Variants in PRELID2 observed in about 807,000 individuals in gnomAD.
The protein encoded by PRELID2 is PRELI domain containing 2, also known as PRELI domain-containing protein 2.
Under a neutral mutation model 28.4 loss-of-function variants are expected in PRELID2, and 25 were observed. The ratio of observed to expected loss-of-function variants is 0.88; its 90% confidence interval spans 0.64 to 1.23. The LOEUF (loss-of-function observed/expected upper bound fraction) is 1.23, where lower values mean the gene tolerates loss of function less well. PRELID2 is among the 50% of genes most tolerant of loss of function. The pLI is 0.00. For synonymous variants in PRELID2, 76 were observed against 71.6 expected, an observed-to-expected ratio of 1.06 and a Z score of -0.31; for missense variants, 201 against 214.4, an observed-to-expected ratio of 0.94 and a Z score of 0.39.
intron 1 of PRELID2, among the ~76,000 whole-genome samples, chr5:145,580,455 C>A (rs1753099073): frequency 6.6e-6 from 1 of 151,998 alleles, no homozygotes; most frequent in Admixed American, 6.6e-5. Context: ...TTTTTCTATA[C>A]CATTCCCTAA....
At chr5:145,409,641 TG>T in the PRELID2 span, among the ~76,000 whole-genome samples, 4 of 149,100 alleles carry the variant, frequency 2.7e-5, no homozygotes, top group African/African-American at 9.9e-5. Context: ...GGGCCAGGTG[TG>T]GTGGCTCATG....
intron 1 of PRELID2, among the ~76,000 whole-genome samples, chr5:145,600,298 C>T (rs1041951450): frequency 8.4e-4 from 127 of 151,354 alleles, no homozygotes; most frequent in African/African-American, 2.9e-3. Context: ...AGCTAGATCC[C>T]GAGTAAAATC....
chr5:145,562,446 A>AT (rs531279213), intron 1 of PRELID2, among the ~76,000 whole-genome samples: 11 of 152,186 alleles, frequency 7.2e-5, no homozygotes, highest in Non-Finnish European at 1.3e-4. Context: ...GTACATCTAG[A>AT]TGATCTATTA....
At chr5:145,610,955 TAAAG>T (rs755541785) in intron 1 of PRELID2, among the ~76,000 whole-genome samples, 7 of 148,568 alleles carry the variant, frequency 4.7e-5, no homozygotes, top group African/African-American at 9.8e-5. Context: ...GTAAACAAAA[TAAAG>T]AAATATATTT....
chr5:145,724,887 T>C (rs997702840), intron 1 of PRELID2, among the ~76,000 whole-genome samples: 1 of 150,602 alleles, frequency 6.6e-6, no homozygotes, highest in Non-Finnish European at 1.5e-5. Context: ...AGACCACAGA[T>C]GCACACCACT....
At chr5:145,373,387 AAT>A in the PRELID2 span, among the ~76,000 whole-genome samples, 51 of 83,174 alleles carry the variant, frequency 6.1e-4, no homozygotes, top group Non-Finnish European at 9.5e-4. Context: ...CAACATATAT[AAT>A]ATATATGATA....
Position 145,822,614 on chromosome 5 carries a change from A to T in PRELID2, c.133+463T>A, listed in dbSNP as rs564938650. On this transcript the variant is annotated intron_variant, in intron 2 of 6. Coordinates refer to ENST00000683046, the MANE Select transcript of PRELID2 (RefSeq NM_205846.3). ...TAATCATATGCATTTTGCCATCTACAAAATGATATAATAGGCTACAGCCAT... is the reference window on the plus strand; with the variant it reads ...TAATCATATGCATTTTGCCATCTACTAAATGATATAATAGGCTACAGCCAT... Among the ~76,000 whole-genome samples the T allele has an allele frequency of 1.1e-4, 17 of 152,346 alleles. No homozygotes were observed. The South Asian group carries it at 3.5e-3, about 32-fold the overall frequency.
At chr5:145,644,313 G>C (rs1424696509) in intron 1 of PRELID2, among the ~76,000 whole-genome samples, 1 of 152,140 alleles carries the variant, frequency 6.6e-6, no homozygotes, top group Non-Finnish European at 1.5e-5. Flanking sequence ...GGTATTTATA[G>C]TATTCTCCGA....
chr5:145,539,011 A>G (rs971299223), intron 1 of PRELID2, among the ~76,000 whole-genome samples: 1 of 151,938 alleles, frequency 6.6e-6, no homozygotes, highest in Non-Finnish European at 1.5e-5. Context: ...CCAAATAGCA[A>G]CCTGACTTGT....
At chr5:145,479,289 C>T (rs1752135047) in intron 1 of PRELID2, among the ~76,000 whole-genome samples, 1 of 152,138 alleles carries the variant, frequency 6.6e-6, no homozygotes, top group African/African-American at 2.4e-5. Flanking sequence ...AAAGTTGGTG[C>T]CATAGTTATT....
intron 1 of PRELID2, among the ~76,000 whole-genome samples, chr5:145,560,360 C>T (rs1190534027): frequency 1.3e-5 from 2 of 152,198 alleles, no homozygotes; most frequent in East Asian, 1.9e-4. Flanking sequence ...TCCTCAGAAC[C>T]TATCACTTAC....
the PRELID2 span, among the ~76,000 whole-genome samples, chr5:145,245,793 A>G: frequency 2.0e-5 from 3 of 152,146 alleles, no homozygotes; most frequent in Non-Finnish European, 2.9e-5. Flanking sequence ...GGTATTTCAC[A>G]TAATCTCTCT....
At chr5:145,669,901 C>T (rs1300369685) in intron 1 of PRELID2, among the ~76,000 whole-genome samples, 1 of 152,094 alleles carries the variant, frequency 6.6e-6, no homozygotes, top group African/African-American at 2.4e-5. Flanking sequence ...AATATCAAAT[C>T]GCCATCTTAG....
chr5:145,731,749 C>T (rs1008477987), intron 1 of PRELID2, among the ~76,000 whole-genome samples: 1 of 152,266 alleles, frequency 6.6e-6, no homozygotes, highest in Admixed American at 6.5e-5. Context: ...AAAGAAGGCA[C>T]AGGCCATAAA....
At chr5:145,700,763 C>T (rs1189730823) in intron 1 of PRELID2, among the ~76,000 whole-genome samples, 2 of 152,196 alleles carry the variant, frequency 1.3e-5, no homozygotes, top group Non-Finnish European at 2.9e-5. Flanking sequence ...ATCCAACTCA[C>T]TGTAGCTCAC....
intron 1 of PRELID2, among the ~76,000 whole-genome samples, chr5:145,572,653 A>T (rs1561508593): frequency 6.6e-6 from 1 of 152,322 alleles, no homozygotes; most frequent in East Asian, 1.9e-4. Context: ...CACCCTGATT[A>T]ACATTTCCAC....
intron 1 of PRELID2, among the ~76,000 whole-genome samples, chr5:145,653,368 A>G (rs1185353377): frequency 6.6e-6 from 1 of 152,232 alleles, no homozygotes; most frequent in Non-Finnish European, 1.5e-5. Flanking sequence ...AAGGATATCC[A>G]GGAATTGAAC....
Position 145,679,300 on chromosome 5 carries a change from G to C in PRELID2, n.70+85631C>G, listed in dbSNP as rs953178949. Among the ~76,000 whole-genome samples, 3 of 152,284 alleles carry C rather than the reference G, an allele frequency of 2.0e-5. No homozygotes were observed. The South Asian group carries it at 6.2e-4, about 32-fold the overall frequency. Reference sequence around the variant, plus strand: ...ACTATAGAAGCCTGAGGCCAGGTGGGAGGGTTGTCATGTAGGAATCTGGAA... The same window carrying C: ...ACTATAGAAGCCTGAGGCCAGGTGGCAGGGTTGTCATGTAGGAATCTGGAA... On this transcript the variant is annotated intron_variant and non_coding_transcript_variant, in intron 1 of 2. Coordinates refer to the PRELID2 transcript ENST00000510259.
the PRELID2 span, among the ~76,000 whole-genome samples, chr5:145,405,575 A>G: frequency 1.3e-5 from 2 of 152,058 alleles, no homozygotes; most frequent in South Asian, 2.1e-4. Flanking sequence ...CATGGTGACA[A>G]CATCTGCTTA....
Sources: allele counts gnomAD v4.1 joint callset (sites outside exome capture counted in the v4.1 genomes callset), GRCh38; gene constraint gnomAD v4.1.1; transcripts MANE v1.5; gene names NCBI Gene and HGNC (gene_info 2026-07-23, HGNC 2026-07-21).